ASPRV1: variants seen among roughly 807,000 people sequenced by gnomAD.
ASPRV1 encodes aspartic peptidase retroviral like 1.
ASPRV1 carries 7 observed loss-of-function variants against 11.0 expected under a neutral mutation model. The ratio of observed to expected loss-of-function variants is 0.64; its 90% CI spans 0.36 to 1.20. The LOEUF (loss-of-function observed/expected upper bound fraction) is 1.20. Ranked by LOEUF, ASPRV1 falls within the 50% of genes most tolerant of loss-of-function variation. The pLI is 0.02. For missense variants in ASPRV1, 299 were observed against 320.0 expected, an observed-to-expected ratio of 0.93 and a Z score of 0.50; for synonymous variants, 136 against 138.4, an observed-to-expected ratio of 0.98 and a Z score of 0.12.
the ASPRV1 span, chr2:70,050,322 C>T: frequency 6.6e-6 from 1 of 151,834 alleles, no homozygotes; most frequent in Non-Finnish European, 1.5e-5. Context: ...ACAGCCAGAT[C>T]CCAACCACTC....
the ASPRV1 span, chr2:70,012,233 C>T: frequency 6.6e-6 from 1 of 151,492 alleles, no homozygotes; most frequent in Non-Finnish European, 1.5e-5. Flanking sequence ...CGGCTCACTG[C>T]AAGCTCCGCC....
chr2:69,965,516 T>C (rs778297715), upstream of ASPRV1, among the ~76,000 whole-genome samples: 2 of 152,172 alleles, frequency 1.3e-5, no homozygotes, highest in Non-Finnish European at 2.9e-5. Context: ...TTTACAAATT[T>C]GTGTTGGGCC....
the ASPRV1 span, among the ~76,000 whole-genome samples, chr2:70,055,382 C>G: frequency 1.3e-5 from 2 of 152,098 alleles, no homozygotes. Flanking sequence ...GGAACCAACC[C>G]AAATGCCCAT....
At chr2:69,932,907 C>T in the ASPRV1 span, among the ~76,000 whole-genome samples, 1 of 152,012 alleles carries the variant, frequency 6.6e-6, no homozygotes, top group African/African-American at 2.4e-5. Context: ...AATTTTTGAA[C>T]TTTTTCTTCT....
At chr2:69,989,254 C>A in the ASPRV1 span, among the ~76,000 whole-genome samples, 1 of 152,246 alleles carries the variant, frequency 6.6e-6, no homozygotes, top group South Asian at 2.1e-4. Context: ...ATGGAAACGG[C>A]ACCTGATTTT....
At chr2:70,044,536 G>A in the ASPRV1 span, among the ~76,000 whole-genome samples, 7 of 152,226 alleles carry the variant, frequency 4.6e-5, no homozygotes, top group Admixed American at 2.6e-4. Context: ...CTCGGCTCAC[G>A]GCAACCACCG....
chr2:70,021,303 C>A, the ASPRV1 span, among the ~76,000 whole-genome samples: 7 of 151,428 alleles, frequency 4.6e-5, no homozygotes, highest in Non-Finnish European at 8.8e-5. Flanking sequence ...TTGTTCTGTA[C>A]GCAAGATGAA....
At chr2:70,022,314 C>A in the ASPRV1 span, among the ~76,000 whole-genome samples, 11 of 149,954 alleles carry the variant, frequency 7.3e-5, no homozygotes, top group East Asian at 2.2e-3. Flanking sequence ...CATGCCAGGC[C>A]TAATACATGT....
At chr2:69,986,992 G>A in the ASPRV1 span, among the ~76,000 whole-genome samples, 13 of 152,170 alleles carry the variant, frequency 8.5e-5, no homozygotes, top group Admixed American at 3.3e-4. Context: ...TAGAACTGTG[G>A]AGAAAGCCCT....
At chr2:69,986,004 T>C in the ASPRV1 span, among the ~76,000 whole-genome samples, 3 of 152,150 alleles carry the variant, frequency 2.0e-5, no homozygotes, top group East Asian at 3.9e-4. Context: ...ACGCAGACTA[T>C]GTGGCAAGCA....
the ASPRV1 span, among the ~76,000 whole-genome samples, chr2:69,999,019 G>A: frequency 6.6e-6 from 1 of 152,204 alleles, no homozygotes; most frequent in Non-Finnish European, 1.5e-5. Context: ...GGCTGCCCCA[G>A]GTGGAGGTCA....
At chr2:69,964,122 A>C, upstream of ASPRV1, 1 of 256,226 alleles carries the variant, frequency 3.9e-6, no homozygotes, top group Non-Finnish European at 7.9e-6. Flanking sequence ...CTGACTCTCT[A>C]GGGCAGGCAA....
At chr2:70,042,884 T>A in the ASPRV1 span, among the ~76,000 whole-genome samples, 2 of 152,008 alleles carry the variant, frequency 1.3e-5, no homozygotes, top group African/African-American at 4.8e-5. Context: ...GAGGCCTCAG[T>A]GAAGCTAAAA....
At chr2:69,946,407 T>G in the ASPRV1 span, among the ~76,000 whole-genome samples, 1 of 152,142 alleles carries the variant, frequency 6.6e-6, no homozygotes, top group Non-Finnish European at 1.5e-5. Context: ...CAGGCAAGTA[T>G]CTGGGACTCT....
the ASPRV1 span, among the ~76,000 whole-genome samples, chr2:69,950,888 T>TAAATA: frequency 1.5e-5 from 2 of 137,132 alleles, no homozygotes; most frequent in Non-Finnish European, 3.1e-5. Flanking sequence ...AATAAATAAA[T>TAAATA]AATAAAAAAT....
the ASPRV1 span, among the ~76,000 whole-genome samples, chr2:70,067,830 T>C: frequency 2.0e-5 from 3 of 152,152 alleles, no homozygotes; most frequent in African/African-American, 7.2e-5. Context: ...AGCCAAAATA[T>C]GATCTACAAT....
At chr2:69,968,838 G>A in the ASPRV1 span, among the ~76,000 whole-genome samples, 2 of 152,142 alleles carry the variant, frequency 1.3e-5, no homozygotes, top group Admixed American at 6.5e-5. Context: ...GGTCTGTGTG[G>A]CGGCTGCTGA....
chr2:70,018,571 C>T, the ASPRV1 span, among the ~76,000 whole-genome samples: 2 of 151,998 alleles, frequency 1.3e-5, no homozygotes. Context: ...CACCAAAAAA[C>T]AGACACATAG....
chr2:69,987,263 C>A, the ASPRV1 span, among the ~76,000 whole-genome samples: 1 of 152,034 alleles, frequency 6.6e-6, no homozygotes, highest in Admixed American at 6.6e-5. Flanking sequence ...CCGCGATGTT[C>A]CCCAAGGCTA....
Sources: gnomAD v4.1 joint callset for allele counts (sites outside exome capture counted in the v4.1 genomes callset) on GRCh38, gnomAD v4.1.1 for gene constraint, MANE v1.5 for transcripts, NCBI Gene and HGNC (gene_info 2026-07-23, HGNC 2026-07-21) for gene names.